Variants in INTU observed in about 807,000 individuals in gnomAD.
INTU encodes inturned planar cell polarity protein, also known as protein inturned.
Under a neutral mutation model 100.5 loss-of-function variants are expected in INTU, and 68 were observed. The observed-to-expected ratio is 0.68, with a 90% confidence interval of 0.56 to 0.83. The LOEUF is 0.83. Among genes scored for constraint, INTU ranks in the 40% least tolerant of loss-of-function variants. The pLI is 0.00. For synonymous variants in INTU, 357 were observed against 395.7 expected, an observed-to-expected ratio of 0.90 and a Z score of 1.16; for missense variants, 1,071 against 1,114.7, an observed-to-expected ratio of 0.96 and a Z score of 0.56.
intron 1 of INTU, among the ~76,000 whole-genome samples, chr4:127,637,047 C>A (rs1450421159): frequency 1.3e-5 from 2 of 152,200 alleles, no homozygotes; most frequent in African/African-American, 2.4e-5. Flanking sequence ...CATTTACTGA[C>A]ATCATTATCT....
chr4:127,650,294 A>G (rs1353088164), intron 2 of INTU, among the ~76,000 whole-genome samples: 4 of 151,788 alleles, frequency 2.6e-5, no homozygotes, highest in African/African-American at 4.8e-5. Flanking sequence ...ACATATGTAT[A>G]CATGTGCCAT....
intron 7 of INTU, chr4:127,685,581 A>T (rs1474419707): frequency 4.8e-6 from 2 of 416,512 alleles, no homozygotes; most frequent in East Asian, 7.6e-5. Context: ...TGAGCTACAA[A>T]GAGCTGGGCA....
intron 1 of INTU, among the ~76,000 whole-genome samples, chr4:127,635,176 A>G (rs771317272): frequency 1.3e-5 from 2 of 152,176 alleles, no homozygotes; most frequent in South Asian, 4.1e-4. Flanking sequence ...AAAGTTTATC[A>G]TCTTGGAGAT....
intron 6 of INTU, among the ~76,000 whole-genome samples, chr4:127,680,076 G>C (rs151197388): frequency 0.012 from 1,811 of 152,262 alleles, 16 homozygotes; most frequent in South Asian, 0.037. Flanking sequence ...TCTCTGAATA[G>C]AACAATAACA....
At chr4:127,656,542 A>T in intron 2 of INTU, 94 bp from the exon 3 acceptor site, 1 of 824,120 alleles carries the variant, frequency 1.2e-6, no homozygotes, top group Admixed American at 1.9e-5. Flanking sequence ...CTGTACTTTG[A>T]GGATGTCAGA....
chr4:127,655,812 C>G (rs997880054), intron 2 of INTU, among the ~76,000 whole-genome samples: 5 of 152,360 alleles, frequency 3.3e-5, no homozygotes, highest in East Asian at 1.9e-4. Context: ...GGGGGCGCCC[C>G]TCCCCCAGCC....
At chr4:127,658,866 A>G (rs1232136926) in intron 3 of INTU, among the ~76,000 whole-genome samples, 3 of 152,172 alleles carry the variant, frequency 2.0e-5, no homozygotes, top group African/African-American at 7.2e-5. Flanking sequence ...TTCTATTAGT[A>G]TGAAATAATT....
rs1258193571 is a variant in INTU at position 127,724,145 on chromosome 4, A to C, written c.*7709A>C. On this transcript the variant is annotated 3_prime_UTR_variant, in exon 16 of 16. Coordinates refer to ENST00000335251, the MANE Select transcript of INTU (RefSeq NM_015693.4). Reference sequence around the variant, plus strand: ...ATAAAATACTAATTTTTGGCCGGGCACGGTGGTGGCTCACGCCTGTAATCC... The same window carrying C: ...ATAAAATACTAATTTTTGGCCGGGCCCGGTGGTGGCTCACGCCTGTAATCC... 1.3e-5 allele frequency: 2 copies of C among 151,296 alleles called. No homozygotes were observed. The highest frequency in any genetic ancestry group is 2.9e-5 in the Non-Finnish European group (2 of 67,798). The allele number at this position is 151,296 out of a possible 1,614,324, so 9.4% of individuals were successfully genotyped here.
Position 127,717,262 on chromosome 4 carries a change from G to T in INTU, c.*826G>T, listed in dbSNP as rs907530707. The T allele has an allele frequency of 8.5e-5, 13 of 152,268 alleles. No homozygotes were observed. Among genetic ancestry groups the T allele is most frequent in the Non-Finnish European group, 1.5e-4 (10 of 68,034 alleles). 9.4% of individuals were successfully genotyped at this position (152,268 alleles called of 1,614,324 possible). A position where few individuals can be genotyped will look rare whatever the true frequency, so the allele number is the denominator to read the frequency against. The stretch of plus-strand genomic sequence containing the variant: ...TGTTTGGTTTTCTGTTCCTGCATTA[G>T]TTTGCTGAGGATAATGGCTTCCAGC... On this transcript the variant is annotated 3_prime_UTR_variant, in exon 16 of 16. Coordinates refer to ENST00000335251, the MANE Select transcript of INTU (RefSeq NM_015693.4).
intron 6 of INTU, among the ~76,000 whole-genome samples, chr4:127,679,250 G>C (rs1176563667): frequency 2.0e-5 from 3 of 152,066 alleles, no homozygotes; most frequent in Non-Finnish European, 2.9e-5. Context: ...GCACCAAGAG[G>C]ACCTAACAGA....
intron 3 of INTU, among the ~76,000 whole-genome samples, chr4:127,661,663 T>A (rs1728482792): frequency 6.6e-6 from 1 of 152,192 alleles, no homozygotes; most frequent in Non-Finnish European, 1.5e-5. Flanking sequence ...AGCTCCCATC[T>A]ATCTGTCACA....
intron 2 of INTU, among the ~76,000 whole-genome samples, chr4:127,653,913 G>C (rs1045604650): frequency 2.0e-5 from 3 of 151,730 alleles, no homozygotes; most frequent in Non-Finnish European, 4.4e-5. Flanking sequence ...CTCCCGTGTT[G>C]GGTGCATATA....
intron 2 of INTU, among the ~76,000 whole-genome samples, chr4:127,650,871 G>C (rs1041994095): frequency 9.9e-5 from 15 of 152,112 alleles, no homozygotes; most frequent in African/African-American, 1.9e-4. Flanking sequence ...TCCACATCCT[G>C]TCCAGCACCT....
Position 127,663,440 on chromosome 4 carries a change from GA to G in INTU, c.833del (p.Lys278ArgfsTer9). 6.2e-7 allele frequency: 1 copy of G among 1,613,368 alleles called. No individual in the cohort carries two copies. The highest frequency in any genetic ancestry group is 8.5e-7 in the Non-Finnish European group (1 of 1,179,492). On this transcript the variant is annotated frameshift_variant, in exon 4 of 16. Transcript: ENST00000335251. LOFTEE classifies it high-confidence loss of function. ...AAAGGGAGACGTCCCATCCAAGACA[GA>G]AAAAGACACAGTCCAACACAAGTGA... ...VKRETSHPRQ[K>X]KTQSNTSDLV...
intron 8 of INTU, among the ~76,000 whole-genome samples, chr4:127,692,165 A>T (rs1730176045): frequency 1.3e-5 from 2 of 151,752 alleles, no homozygotes; most frequent in Non-Finnish European, 2.9e-5. Context: ...TTAGTTAAGG[A>T]ATCTCCACAA....
At chr4:127,672,920 T>C (rs955069002) in intron 5 of INTU, among the ~76,000 whole-genome samples, 1 of 152,246 alleles carries the variant, frequency 6.6e-6, no homozygotes, top group Non-Finnish European at 1.5e-5. Flanking sequence ...ACTGAACATA[T>C]GTAAAATGTA....
chr4:127,721,844 A>G lies in INTU; in HGVS notation c.*5408A>G, dbSNP rs1731350757. The G allele has an allele frequency of 6.6e-6, 1 of 152,154 alleles. No homozygotes were observed. The highest frequency in any genetic ancestry group is 2.1e-4 in the South Asian group (1 of 4,826). The allele number at this position is 152,154 out of a possible 1,614,324, so 9.4% of individuals were successfully genotyped here. A position where few individuals can be genotyped will look rare whatever the true frequency, so the allele number is the denominator to read the frequency against. On this transcript the variant is annotated 3_prime_UTR_variant, in exon 16 of 16. Coordinates refer to ENST00000335251, the MANE Select transcript of INTU (RefSeq NM_015693.4). ...ATTTACGTTCCTCTCCAAACTGGTT[A>G]TTCTGTTTAACAGCTCCTATAATGT... is the stretch of plus-strand genomic sequence containing the variant.
chr4:127,676,725 T>C (rs1338696819), intron 6 of INTU, among the ~76,000 whole-genome samples: 2 of 152,028 alleles, frequency 1.3e-5, no homozygotes, highest in African/African-American at 4.8e-5. Flanking sequence ...TTCATCTCAC[T>C]AGGGAGTGCC....
intron 7 of INTU, 120 bp downstream of exon 7, chr4:127,684,606 C>G (rs1729729553): frequency 1.8e-6 from 1 of 553,542 alleles, no homozygotes; most frequent in African/African-American, 2.0e-5. Context: ...CCTCCCTCCC[C>G]TCTTTCCTCC....
Sources: allele counts gnomAD v4.1 joint callset (sites outside exome capture counted in the v4.1 genomes callset), GRCh38; gene constraint gnomAD v4.1.1; transcripts MANE v1.5; gene names NCBI Gene and HGNC (gene_info 2026-07-23, HGNC 2026-07-21).